SNTG2: variants seen among roughly 807,000 people sequenced by gnomAD.
The protein encoded by SNTG2 is gamma-2-syntrophin.
A neutral mutation model predicts 70.9 loss-of-function variants in SNTG2; 74 were observed. The ratio of observed to expected loss-of-function variants is 1.04; its 90% confidence interval spans 0.86 to 1.27. SNTG2 has a LOEUF of 1.27. SNTG2 is among the 50% of genes most tolerant of loss of function. The pLI, the probability that SNTG2 is intolerant of heterozygous loss-of-function variation, is 0.00. For missense variants in SNTG2, 717 were observed against 690.7 expected, an observed-to-expected ratio of 1.04 and a Z score of -0.43; for synonymous variants, 278 against 273.8, an observed-to-expected ratio of 1.02 and a Z score of -0.15.
intron 1 of SNTG2, among the ~76,000 whole-genome samples, chr2:1,062,726 TGA>T (rs1662902018): frequency 1.3e-5 from 2 of 152,354 alleles, no homozygotes; most frequent in South Asian, 2.1e-4. Flanking sequence ...TTGATTTTTG[TGA>T]GTTATAGAGT....
rs1572325038 is a variant in SNTG2 at position 1,056,864 on chromosome 2, A to T, written c.73-26654A>T. The stretch of plus-strand genomic sequence containing the variant: ...ACGCTGTGGGGAGGGAGAGAGGGAG[A>T]GCACGGCGCCCCGCTGTGCTGTGGG... On this transcript the variant is annotated intron_variant, in intron 1 of 16. Coordinates refer to ENST00000308624, the MANE Select transcript of SNTG2 (RefSeq NM_018968.4). 2.3e-4 allele frequency among the ~76,000 whole-genome samples: 11 copies of T among 47,880 alleles called. No homozygotes were observed. The South Asian group carries it at 0.011, about 48-fold the overall frequency. 31.4% of individuals were successfully genotyped at this position (47,880 alleles called of 152,430 possible). A position where few individuals can be genotyped will look rare whatever the true frequency, so the allele number is the denominator to read the frequency against.
At chr2:1,283,431 C>G (rs903481485) in intron 14 of SNTG2, among the ~76,000 whole-genome samples, 3 of 152,198 alleles carry the variant, frequency 2.0e-5, no homozygotes, top group Admixed American at 2.0e-4. Context: ...TGTAAGGTGT[C>G]TCTTGTCCAC....
At chr2:1,216,581 A>G (rs1054036644) in intron 9 of SNTG2, among the ~76,000 whole-genome samples, 1 of 152,188 alleles carries the variant, frequency 6.6e-6, no homozygotes, top group Non-Finnish European at 1.5e-5. Context: ...TAGTTTAATT[A>G]GATCCCATTT....
intron 11 of SNTG2, among the ~76,000 whole-genome samples, chr2:1,246,732 A>C (rs1677453213): frequency 7.8e-3 from 1 of 128 alleles, no homozygotes; most frequent in Non-Finnish European, 0.016. Context: ...TTAATATTAG[A>C]TTGAATTCAC....
intron 16 of SNTG2, among the ~76,000 whole-genome samples, chr2:1,321,629 T>TGGTGCC (rs904615499): frequency 4.6e-5 from 7 of 152,140 alleles, no homozygotes; most frequent in Non-Finnish European, 1.0e-4. Context: ...GGAAGCCAGA[T>TGGTGCC]GGTGCCAGGA....
intron 14 of SNTG2, 80 bp from the exon 15 acceptor site, chr2:1,308,414 G>T: frequency 7.9e-7 from 1 of 1,271,060 alleles, no homozygotes; most frequent in Middle Eastern, 1.9e-4. Flanking sequence ...GACCAAAGGG[G>T]GGTTAATATG....
chr2:1,119,614 G>T (rs1050906358), intron 4 of SNTG2, among the ~76,000 whole-genome samples: 10 of 144,450 alleles, frequency 6.9e-5, no homozygotes, highest in African/African-American at 2.3e-4. Context: ...TAGACTATAA[G>T]ATATTTTACA....
At chr2:1,269,818 G>T (rs191512188) in intron 14 of SNTG2, among the ~76,000 whole-genome samples, 2 of 152,192 alleles carry the variant, frequency 1.3e-5, no homozygotes, top group East Asian at 3.8e-4. Flanking sequence ...AAGACCTTTC[G>T]TGGGGAATGG....
chr2:1,163,458 GGTGGGTGTGTGAGGCCTCCCAACAGGAA>G (rs1670476377), intron 6 of SNTG2: 1 of 134,812 alleles, frequency 7.4e-6, no homozygotes, highest in African/African-American at 2.8e-5. Flanking sequence ...CCCAACAGGA[GGTGGGTGTGTGAGGCCTCCCAACAGGAA>G]GTGGGCATGT....
intron 9 of SNTG2, among the ~76,000 whole-genome samples, chr2:1,219,697 A>C (rs377054411): frequency 8.9e-6 from 1 of 112,426 alleles, no homozygotes; most frequent in African/African-American, 3.4e-5. Context: ...AAGGGAGGGG[A>C]GTGGAGGGGA....
At chr2:1,176,929 T>G (rs2147895189) in intron 8 of SNTG2, among the ~76,000 whole-genome samples, 1 of 152,326 alleles carries the variant, frequency 6.6e-6, no homozygotes, top group Middle Eastern at 3.4e-3. Context: ...TGGTGATTCC[T>G]CAAAGGTCTA....
intron 14 of SNTG2, among the ~76,000 whole-genome samples, chr2:1,281,950 G>C (rs1679568091): frequency 6.6e-6 from 1 of 152,290 alleles, no homozygotes; most frequent in Non-Finnish European, 1.5e-5. Flanking sequence ...GCCGAGCCTT[G>C]TGACCTTGCT....
intron 12 of SNTG2, among the ~76,000 whole-genome samples, chr2:1,254,066 C>G (rs1677910877): frequency 6.6e-6 from 1 of 152,200 alleles, no homozygotes; most frequent in Admixed American, 6.5e-5. Flanking sequence ...CCACCAGGCT[C>G]CACCTCCAAC....
At chr2:1,273,494 C>T (rs999660168) in intron 14 of SNTG2, among the ~76,000 whole-genome samples, 1 of 152,022 alleles carries the variant, frequency 6.6e-6, no homozygotes, top group Non-Finnish European at 1.5e-5. Context: ...AAGACAAGCA[C>T]AGCCAAAAAG....
chr2:1,136,839 C>G (rs75822965), intron 4 of SNTG2, among the ~76,000 whole-genome samples: 160 of 152,290 alleles, frequency 1.1e-3, no homozygotes, highest in African/African-American at 3.7e-3. Context: ...CTTTCTCATA[C>G]AAAGTTTTTC....
chr2:1,089,595 A>G (rs1664889115), intron 2 of SNTG2, among the ~76,000 whole-genome samples: 1 of 151,600 alleles, frequency 6.6e-6, no homozygotes, highest in African/African-American at 2.4e-5. Context: ...AGATTGTGCC[A>G]TTGCACTCCA....
chr2:1,173,761 G>A (rs1012454741), intron 8 of SNTG2, among the ~76,000 whole-genome samples: 2 of 152,122 alleles, frequency 1.3e-5, no homozygotes, highest in Non-Finnish European at 2.9e-5. Flanking sequence ...CCTGGGCTCT[G>A]AGAGAACCTG....
chr2:1,291,605 C>T (rs374840418), intron 14 of SNTG2, among the ~76,000 whole-genome samples: 1 of 152,174 alleles, frequency 6.6e-6, no homozygotes, highest in Non-Finnish European at 1.5e-5. Context: ...AAAAGACTGG[C>T]CTTTCTCCAT....
chr2:1,086,397 G>T (rs1399862801), intron 2 of SNTG2, among the ~76,000 whole-genome samples: 1 of 152,172 alleles, frequency 6.6e-6, no homozygotes, highest in Non-Finnish European at 1.5e-5. Flanking sequence ...AAAACAATCT[G>T]TCCCTTAGAA....
Sources: allele counts gnomAD v4.1 joint callset (sites outside exome capture counted in the v4.1 genomes callset), GRCh38; gene constraint gnomAD v4.1.1; transcripts MANE v1.5; gene names NCBI Gene and HGNC (gene_info 2026-07-23, HGNC 2026-07-21).